The following DSCAML1 variants were observed in gnomAD, a reference collection of about 807,000 sequenced individuals.
DSCAML1 encodes the protein DS cell adhesion molecule like 1.
In DSCAML1, 38 loss-of-function variants were observed where a neutral mutation model predicts 200.5. That is an observed-to-expected ratio of 0.19 (90% CI 0.15 to 0.25). The LOEUF (loss-of-function observed/expected upper bound fraction) is 0.25. Ranked by LOEUF, DSCAML1 falls within the 10% of genes least tolerant of loss-of-function variation. DSCAML1 has a pLI of 1.00. For missense variants in DSCAML1, 2,223 were observed against 2,858.8 expected (o/e 0.78, Z 5.07); for synonymous variants, 1,215 against 1,165.0 (o/e 1.04, Z -0.87).
At chr11:117,795,326 A>G (rs948284908) in intron 1 of DSCAML1, among the ~76,000 whole-genome samples, 6 of 152,092 alleles carry the variant, frequency 3.9e-5, no homozygotes, top group African/African-American at 1.4e-4. Flanking sequence ...TGGAGAGAGA[A>G]CTATCGAGAG....
chr11:117,749,297 C>A (rs2054565392), intron 3 of DSCAML1, among the ~76,000 whole-genome samples: 1 of 152,206 alleles, frequency 6.6e-6, no homozygotes, highest in Non-Finnish European at 1.5e-5. Flanking sequence ...CATACACAAA[C>A]AATCTGCTGC....
In DSCAML1 at chr11:117,499,519, C is replaced by T. The variant is rs555562153; in HGVS notation, c.2359+4326G>A. 3.3e-5 allele frequency among the ~76,000 whole-genome samples: 5 copies of T among 152,276 alleles called. No individual in the cohort carries two copies. The South Asian group carries it at 1.0e-3, about 32-fold the overall frequency. On this transcript the variant is annotated intron_variant, in intron 11 of 32. Transcript: ENST00000651296. Reference sequence around the variant, plus strand: ...GCACCCAGCCTTTTTACTCTGTGATCCTTCTACCAAACCATCAGTCCGTAG... The same window carrying T: ...GCACCCAGCCTTTTTACTCTGTGATTCTTCTACCAAACCATCAGTCCGTAG...
chr11:117,507,082 C>T (rs993232935), intron 8 of DSCAML1, among the ~76,000 whole-genome samples: 1 of 150,214 alleles, frequency 6.7e-6, no homozygotes, highest in Non-Finnish European at 1.5e-5. Context: ...CCTCCTTTCT[C>T]GGCTCTGGCT....
At chr11:117,594,371 C>T (rs2051321243) in intron 3 of DSCAML1, among the ~76,000 whole-genome samples, 2 of 152,248 alleles carry the variant, frequency 1.3e-5, no homozygotes, top group Non-Finnish European at 2.9e-5. Context: ...GTCACTCTGA[C>T]ACCCAAGTAT....
chr11:117,782,839 A>G (rs2055287765), intron 1 of DSCAML1, among the ~76,000 whole-genome samples: 1 of 152,084 alleles, frequency 6.6e-6, no homozygotes, highest in Non-Finnish European at 1.5e-5. Context: ...AGAGACAGGT[A>G]CTATTAGTAT....
intron 3 of DSCAML1, among the ~76,000 whole-genome samples, chr11:117,750,568 C>T (rs892356050): frequency 1.2e-4 from 18 of 152,192 alleles, no homozygotes; most frequent in East Asian, 1.9e-4. Flanking sequence ...GACAAGCACA[C>T]GGGCTGCTGC....
rs758143629 is a variant in DSCAML1 at position 117,482,090 on chromosome 11, G to A, written c.2432C>T (p.Thr811Met). The A allele has an allele frequency of 2.6e-5, 42 of 1,614,078 alleles. No individual in the cohort carries two copies. The Middle Eastern group carries it at 8.2e-4, about 32-fold the overall frequency. The change falls in exon 12 of 33, where the codon ACG becomes ATG. Residue 811 changes from threonine (T) to methionine (M), a missense_variant. Thr to Met is a moderately conservative substitution (Grantham distance 81, BLOSUM62 -1). This residue lies in a region of DSCAML1 where 438 missense variants were observed against 629.7 expected (regional missense o/e 0.70). Transcript: ENST00000651296. ...GATGATGGGCCGCTCACCCCGTGCC[G>A]TGCAGTTTAGCTCCTTCGCATGGCC... ...IKGHAKELNC[T>M]ARGERPIIIR...
chr11:117,791,348 G>T (rs2055463337), intron 1 of DSCAML1, among the ~76,000 whole-genome samples: 1 of 152,236 alleles, frequency 6.6e-6, no homozygotes, highest in African/African-American at 2.4e-5. Flanking sequence ...TCAGCAGGGA[G>T]AGACACAGAA....
At chr11:117,452,018 A>G (rs1224164937) in intron 19 of DSCAML1, among the ~76,000 whole-genome samples, 2 of 152,208 alleles carry the variant, frequency 1.3e-5, no homozygotes, top group Non-Finnish European at 2.9e-5. Context: ...GCCTGAGTCC[A>G]GAACCTGGGA....
In DSCAML1 at chr11:117,766,556, A is replaced by G. The variant is rs531437028; in HGVS notation, c.511+10235T>C. Among the ~76,000 whole-genome samples, 5 of 152,358 alleles carry G rather than the reference A, an allele frequency of 3.3e-5. No homozygotes were observed. In the East Asian group the frequency reaches 9.6e-4, roughly 29 times the overall value. The stretch of plus-strand genomic sequence containing the variant: ...TTATGTGTAGGATAACCTTCTATAA[A>G]GAATTCCGCTCTGATTTCAGGGTAA... On this transcript the variant is annotated intron_variant, in intron 3 of 32. Coordinates refer to ENST00000651296, the MANE Select transcript of DSCAML1 (RefSeq NM_020693.4).
chr11:117,754,326 C>T (rs1251801723), intron 3 of DSCAML1, among the ~76,000 whole-genome samples: 1 of 152,222 alleles, frequency 6.6e-6, no homozygotes, highest in African/African-American at 2.4e-5. Flanking sequence ...CACTCTGTCT[C>T]CCTCACCCTT....
In DSCAML1 at chr11:117,747,823, C is replaced by T. The variant is rs555656512; in HGVS notation, c.511+28968G>A. On this transcript the variant is annotated intron_variant, in intron 3 of 32. Coordinates refer to ENST00000651296, the MANE Select transcript of DSCAML1 (RefSeq NM_020693.4). ...GGCAGAGTTTTATAAACCGCAGGAA[C>T]CTTGCCCTGAGGGTCCAGGGGAACC... Among the ~76,000 whole-genome samples the T allele has an allele frequency of 1.1e-4, 16 of 152,264 alleles. 1 individual carries two copies. The South Asian group carries it at 3.3e-3, about 32-fold the overall frequency.
intron 5 of DSCAML1, among the ~76,000 whole-genome samples, chr11:117,521,914 C>T (rs2049893746): frequency 1.3e-5 from 2 of 152,198 alleles, no homozygotes; most frequent in Admixed American, 6.5e-5. Context: ...AACCTGGATC[C>T]ACGTGGCAGC....
At chr11:117,539,836 G>A (rs1485797293) in intron 3 of DSCAML1, among the ~76,000 whole-genome samples, 1 of 152,140 alleles carries the variant, frequency 6.6e-6, no homozygotes, top group African/African-American at 2.4e-5. Context: ...GTTCATAGCA[G>A]CGTTATTCAC....
rs191012160 is a variant in DSCAML1, at chr11:117,504,918, G to C, written c.2182+6C>G. On this transcript the variant is annotated splice_donor_region_variant and intron_variant, in intron 10 of 32. Coordinates refer to ENST00000651296, the MANE Select transcript of DSCAML1 (RefSeq NM_020693.4). This position sits in a 1 kb window ranked among gnomAD's most constrained non-coding sequence, Gnocchi z 5.0. The stretch of plus-strand genomic sequence containing the variant: ...CTTGGAGATTCTGGCTGGGCCAGGG[G>C]CTTACCCTTGGCATGCTTCCACATG... 31 of 1,603,952 alleles carry C rather than the reference G, an allele frequency of 1.9e-5. No individual in the cohort carries two copies. Among genetic ancestry groups the C allele is most frequent in the Non-Finnish European group, 2.5e-5 (29 of 1,173,498 alleles).
intron 14 of DSCAML1, among the ~76,000 whole-genome samples, chr11:117,479,160 G>C (rs115045623): frequency 0.01 from 1,567 of 152,328 alleles, 28 homozygotes; most frequent in African/African-American, 0.035. Context: ...AACAGGACTT[G>C]GCCAATCAAG....
Position 117,505,361 on chromosome 11 carries a change from G to A in DSCAML1, c.2062+93C>T. The stretch of plus-strand genomic sequence containing the variant: ...CAAGATGCTGGAGCCCACCTTCCAT[G>A]AGCCCGTGATTGGAACTGGAAATCT... On this transcript the variant is annotated intron_variant, in intron 9 of 32. Transcript: ENST00000651296. This position sits in a 1 kb window ranked among gnomAD's most constrained non-coding sequence, Gnocchi z 6.7. 6.6e-7 allele frequency: 1 copy of A among 1,507,994 alleles called. No individual in the cohort carries two copies. The highest frequency in any genetic ancestry group is 8.9e-7 in the Non-Finnish European group (1 of 1,121,568). The allele number at this position is 1,507,994 out of a possible 1,614,324, so 93.4% of individuals were successfully genotyped here. A position where few individuals can be genotyped will look rare whatever the true frequency, so the allele number is the denominator to read the frequency against.
intron 3 of DSCAML1, among the ~76,000 whole-genome samples, chr11:117,564,142 C>A (rs563561874): frequency 2.6e-5 from 4 of 152,190 alleles, no homozygotes; most frequent in African/African-American, 9.7e-5. Context: ...ACACTGTATC[C>A]GCAAGAGGGA....
chr11:117,671,405 G>C (rs2053103410), intron 3 of DSCAML1, among the ~76,000 whole-genome samples: 1 of 152,154 alleles, frequency 6.6e-6, no homozygotes, highest in South Asian at 2.1e-4. Flanking sequence ...GGGCTTACCT[G>C]CTAAACCCAG....
Sources: gnomAD v4.1 joint callset for allele counts (sites outside exome capture counted in the v4.1 genomes callset) on GRCh38, gnomAD v4.1.1 for gene constraint, gnomAD v4.1.1 regional missense constraint, Gnocchi (gnomAD v3.1) non-coding constraint, MANE v1.5 for transcripts, NCBI Gene and HGNC (gene_info 2026-07-23, HGNC 2026-07-21) for gene names.